ATXN2: variants seen among roughly 807,000 people sequenced by gnomAD.
ATXN2 encodes the protein ataxin-2.
Under a neutral mutation model 138.6 loss-of-function variants are expected in ATXN2, and 37 were observed. The ratio of observed to expected loss-of-function variants is 0.27; its 90% CI spans 0.21 to 0.35. The LOEUF is 0.35. ATXN2 is among the 10% of genes least tolerant of loss of function. ATXN2 has a pLI of 1.00. For synonymous variants in ATXN2, 549 were observed against 543.7 expected, an observed-to-expected ratio of 1.01 and a Z score of -0.13; for missense variants, 1,216 against 1,480.3, an observed-to-expected ratio of 0.82 and a Z score of 2.93.
chr12:111,474,746 A>G (rs903221037), intron 18 of ATXN2, among the ~76,000 whole-genome samples: 1 of 152,256 alleles, frequency 6.6e-6, no homozygotes, highest in Non-Finnish European at 1.5e-5. Context: ...GGGATGAAAC[A>G]TGACTGGCCT....
At chr12:111,528,052 T>G (rs1478079402) in intron 5 of ATXN2, among the ~76,000 whole-genome samples, 2 of 152,202 alleles carry the variant, frequency 1.3e-5, no homozygotes, top group African/African-American at 4.8e-5. Context: ...CATATTATCT[T>G]CTGGAAGAAG....
chr12:111,520,553 A>G (rs755244748), intron 7 of ATXN2, among the ~76,000 whole-genome samples: 1 of 152,206 alleles, frequency 6.6e-6, no homozygotes, highest in Non-Finnish European at 1.5e-5. Context: ...CGGGAGGCTG[A>G]GGCAGGAGAA....
chr12:111,481,557 T>C (rs1263177741), intron 18 of ATXN2, among the ~76,000 whole-genome samples: 2 of 152,220 alleles, frequency 1.3e-5, no homozygotes, highest in Admixed American at 6.5e-5. Context: ...TGTACATTAC[T>C]GGTAGAAATA....
chr12:111,489,842 C>T (rs1877902769), intron 14 of ATXN2, among the ~76,000 whole-genome samples: 1 of 152,036 alleles, frequency 6.6e-6, no homozygotes, highest in African/African-American at 2.4e-5. Context: ...GGGTGAGACA[C>T]ACATGTACAA....
intron 11 of ATXN2, chr12:111,511,983 T>C (rs1879553958): frequency 6.6e-6 from 1 of 152,208 alleles, no homozygotes; most frequent in African/African-American, 2.4e-5. Context: ...TTTTTTCTTT[T>C]TTTTGAGATA....
chr12:111,541,789 A>G (rs968600790), intron 5 of ATXN2, among the ~76,000 whole-genome samples: 1 of 147,004 alleles, frequency 6.8e-6, no homozygotes, highest in African/African-American at 2.5e-5. Context: ...ATATATATAT[A>G]TATTATAAAA....
At chr12:111,495,716 A>G (rs1213666824) in intron 14 of ATXN2, among the ~76,000 whole-genome samples, 1 of 152,196 alleles carries the variant, frequency 6.6e-6, no homozygotes, top group Non-Finnish European at 1.5e-5. Context: ...CATTAGACCT[A>G]ATTTGCTCTA....
intron 11 of ATXN2, chr12:111,511,145 C>T (rs1879483614): frequency 1.3e-5 from 2 of 152,130 alleles, no homozygotes. Context: ...CATATGACTT[C>T]CAAGTATATA....
intron 5 of ATXN2, among the ~76,000 whole-genome samples, chr12:111,548,457 T>C (rs908850597): frequency 2.0e-5 from 3 of 152,216 alleles, no homozygotes; most frequent in Non-Finnish European, 2.9e-5. Flanking sequence ...GTCTGGCACA[T>C]AGAATATGCA....
At chr12:111,597,623 C>T (rs1271153291) in intron 1 of ATXN2, 17 of 419,644 alleles carry the variant, frequency 4.1e-5, no homozygotes, top group Non-Finnish European at 1.4e-5. Context: ...CCGCCCGCCA[C>T]CCCCAACAGG....
At position 111,452,581 on chromosome 12, in the gene ATXN2, T is replaced by C; in HGVS notation, c.*231A>G. On this transcript the variant is annotated 3_prime_UTR_variant, in exon 25 of 25. Coordinates refer to ENST00000673436, the MANE Select transcript of ATXN2 (RefSeq NM_001372574.1). The stretch of plus-strand genomic sequence containing the variant: ...CAGAGCTGGGGTACCTGCGGGACTC[T>C]GAAACAGCATATGGAATTATGGAAT... 1.8e-6 allele frequency: 1 copy of C among 544,756 alleles called. No homozygotes were observed. Among genetic ancestry groups the C allele is most frequent in the Non-Finnish European group, 3.2e-6 (1 of 308,428 alleles). 33.7% of individuals were successfully genotyped at this position (544,756 alleles called of 1,614,324 possible).
chr12:111,458,967 A>G (rs1288383262), intron 21 of ATXN2, among the ~76,000 whole-genome samples: 1 of 152,226 alleles, frequency 6.6e-6, no homozygotes, highest in African/African-American at 2.4e-5. Flanking sequence ...AGCAGGGGAA[A>G]GGGCAAGGCA....
intron 20 of ATXN2, 61 bp from the exon 21 acceptor site, chr12:111,464,776 T>A: frequency 7.5e-7 from 1 of 1,331,910 alleles, no homozygotes; most frequent in Non-Finnish European, 1.1e-6. Flanking sequence ...CCAAATTTTC[T>A]GGAAAGGTTG....
At chr12:111,502,064 G>GT (rs745485822) in intron 14 of ATXN2, among the ~76,000 whole-genome samples, 3 of 152,022 alleles carry the variant, frequency 2.0e-5, no homozygotes, top group Non-Finnish European at 4.4e-5. Flanking sequence ...GCTAATGTGT[G>GT]TATTTTTTTG....
At chr12:111,549,818 C>T (rs555801676) in intron 5 of ATXN2, among the ~76,000 whole-genome samples, 1 of 152,240 alleles carries the variant, frequency 6.6e-6, no homozygotes, top group Non-Finnish European at 1.5e-5. Flanking sequence ...AATCCCAGCA[C>T]TCTGGGAGGC....
In ATXN2 at chr12:111,509,960, G is replaced by C; in HGVS notation, c.1795C>G (p.Pro599Ala). The change falls in exon 13 of 25, where the codon CCT (proline) becomes GCT (alanine). Residue 599 changes from proline (P) to alanine (A), a missense_variant. This residue lies in a region of ATXN2 where 215 missense variants were observed against 210.0 expected (regional missense o/e 1.02). Coordinates refer to ENST00000673436, the MANE Select transcript of ATXN2 (RefSeq NM_001372574.1). ...TTAATATTTTCTTTATTCCCTGCAG[G>C]AGAGTTCTGCCTCTGATCTTGAAGC... ...SRLQDQRQNS[P>A]AGNKENIKPN... 1 of 1,612,826 alleles carries C rather than the reference G, an allele frequency of 6.2e-7. No individual in the cohort carries two copies. Among genetic ancestry groups the C allele is most frequent in the Non-Finnish European group, 8.5e-7 (1 of 1,179,440 alleles).
chr12:111,552,480 T>G lies in ATXN2; in HGVS notation c.421-50A>C. On this transcript the variant is annotated intron_variant, in intron 4 of 24. Transcript: ENST00000673436. The surrounding 1 kb of genome is among the most constrained non-coding windows in gnomAD (Gnocchi z 4.1). Reference sequence around the variant, plus strand: ...ACTCCAAACCTTTACAAAATAAAATTTGTTAGGAATTCTTTAGCTCATCAA... The same window carrying G: ...ACTCCAAACCTTTACAAAATAAAATGTGTTAGGAATTCTTTAGCTCATCAA... 2 of 1,547,464 alleles carry G rather than the reference T, an allele frequency of 1.3e-6. No individual in the cohort carries two copies. The highest frequency in any genetic ancestry group is 1.7e-6 in the Non-Finnish European group (2 of 1,153,166).
upstream of ATXN2, chr12:111,599,316 G>A (rs968892056): frequency 3.3e-5 from 38 of 1,160,074 alleles, no homozygotes; most frequent in African/African-American, 6.0e-4. Flanking sequence ...GGCGAGCTCT[G>A]CCGGGAGGGA....
chr12:111,475,430 C>G (rs577812820), intron 18 of ATXN2, among the ~76,000 whole-genome samples: 27 of 148,318 alleles, frequency 1.8e-4, no homozygotes, highest in African/African-American at 6.2e-4. Context: ...AAATTGCAAG[C>G]CTGACTTGGA....
Sources: allele counts gnomAD v4.1 joint callset (sites outside exome capture counted in the v4.1 genomes callset), GRCh38; gene constraint gnomAD v4.1.1; regional missense constraint gnomAD v4.1.1; non-coding constraint Gnocchi (gnomAD v3.1); transcripts MANE v1.5; gene names NCBI Gene and HGNC (gene_info 2026-07-23, HGNC 2026-07-21).